Variants in CCM2 observed in about 807,000 individuals in gnomAD.
CCM2 encodes CCM2 scaffold protein.
In CCM2, 25 loss-of-function variants were observed where a neutral mutation model predicts 44.9. The observed-to-expected ratio is 0.56, with a 90% CI of 0.41 to 0.78. The LOEUF is 0.78. Among genes scored for constraint, CCM2 ranks in the 30% least tolerant of loss-of-function variants. CCM2 has a pLI of 0.00. For synonymous variants in CCM2, 219 were observed against 241.1 expected (o/e 0.91, Z 0.85); for missense variants, 481 against 580.6 (o/e 0.83, Z 1.76).
At chr7:45,064,149 AGTATGG>A in intron 3 of CCM2, 148 bp downstream of exon 3, 1 of 653,494 alleles carries the variant, frequency 1.5e-6, no homozygotes, top group South Asian at 1.8e-5. Flanking sequence ...ACTATTCCTT[AGTATGG>A]ACATTAAGTT....
rs188383861 is a variant in CCM2 at position 45,005,154 on chromosome 7, A to G, written c.30+4791A>G. ...AGTGATTCTTGGATGGCAACTTGGTAACTCAGGGTCAGGAGGCTGGAGAAC... is the reference window on the plus strand; with the variant it reads ...AGTGATTCTTGGATGGCAACTTGGTGACTCAGGGTCAGGAGGCTGGAGAAC... On this transcript the variant is annotated intron_variant, in intron 1 of 9. Coordinates refer to ENST00000258781, the MANE Select transcript of CCM2 (RefSeq NM_031443.4). 9.5e-4 allele frequency among the ~76,000 whole-genome samples: 145 copies of G among 152,284 alleles called. 2 individuals carry two copies. The highest frequency in any genetic ancestry group is 3.4e-3 in the African/African-American group (141 of 41,558).
intron 2 of CCM2, among the ~76,000 whole-genome samples, chr7:45,059,956 A>C (rs543856590): frequency 6.6e-6 from 1 of 152,180 alleles, no homozygotes; most frequent in African/African-American, 2.4e-5. Flanking sequence ...CAGTCACCCA[A>C]TACACAAATT....
intron 2 of CCM2, among the ~76,000 whole-genome samples, chr7:45,060,319 T>G (rs1398540299): frequency 6.6e-5 from 10 of 152,364 alleles, no homozygotes. Flanking sequence ...GTAGGATGTT[T>G]TTTTCCTGTG....
intron 1 of CCM2, among the ~76,000 whole-genome samples, chr7:45,028,437 C>T (rs146993744): frequency 1.1e-3 from 173 of 152,196 alleles, no homozygotes; most frequent in African/African-American, 4.1e-3. Flanking sequence ...GTGGGTGGAT[C>T]AGGAGGTCAG....
chr7:45,045,107 C>T (rs997427315), intron 2 of CCM2, among the ~76,000 whole-genome samples: 2 of 152,162 alleles, frequency 1.3e-5, no homozygotes, highest in African/African-American at 2.4e-5. Flanking sequence ...TTCTATCTGA[C>T]ATTAACTTAT....
chr7:45,046,373 A>G (rs1233824608), intron 2 of CCM2, among the ~76,000 whole-genome samples: 1 of 152,240 alleles, frequency 6.6e-6, no homozygotes, highest in African/African-American at 2.4e-5. Context: ...TATCACAATC[A>G]AGACTGTGGT....
intron 9 of CCM2, among the ~76,000 whole-genome samples, chr7:45,075,131 A>G (rs1190467374): frequency 6.6e-6 from 1 of 152,248 alleles, no homozygotes; most frequent in Non-Finnish European, 1.5e-5. Flanking sequence ...GAAGGGCTGG[A>G]GGCTGGGGCA....
At chr7:45,047,660 GAC>G (rs1797822195) in intron 2 of CCM2, among the ~76,000 whole-genome samples, 1 of 152,232 alleles carries the variant, frequency 6.6e-6, no homozygotes, top group South Asian at 2.1e-4. Flanking sequence ...TCTTTGAAAT[GAC>G]ACAGTTGCTG....
intron 2 of CCM2, among the ~76,000 whole-genome samples, chr7:45,044,610 TTGAC>T (rs1797667214): frequency 6.6e-6 from 1 of 152,228 alleles, no homozygotes. Flanking sequence ...TTAGCCCAAT[TTGAC>T]TGGGCTGTCT....
At chr7:45,073,218 G>A in intron 7 of CCM2, 2 of 595,240 alleles carry the variant, frequency 3.4e-6, no homozygotes, top group South Asian at 3.8e-5. Flanking sequence ...GCCTTGACCT[G>A]TGTACTCCCT....
chr7:45,000,854 A>G (rs1206519964), intron 1 of CCM2, among the ~76,000 whole-genome samples: 2 of 152,206 alleles, frequency 1.3e-5, no homozygotes, highest in Non-Finnish European at 1.5e-5. Context: ...CGCTAGCTAC[A>G]TTTGGCAGTG....
intron 1 of CCM2, among the ~76,000 whole-genome samples, chr7:45,015,906 C>T (rs371604151): frequency 1.4e-4 from 21 of 152,126 alleles, no homozygotes; most frequent in African/African-American, 4.3e-4. Context: ...CCTCCCCATC[C>T]GAAAGCCATG....
At chr7:45,047,113 G>T (rs955351614) in intron 2 of CCM2, among the ~76,000 whole-genome samples, 2 of 152,158 alleles carry the variant, frequency 1.3e-5, no homozygotes, top group African/African-American at 4.8e-5. Context: ...ATTCATTGCT[G>T]GTAGGGATGT....
At position 45,075,931 on chromosome 7, in the gene CCM2, C is replaced by T. The variant is rs753234415; in HGVS notation, c.1209C>T (p.Asn403=). The change falls in exon 10 of 10, where the codon AAC becomes AAT. Residue 403 remains asparagine (N), a synonymous_variant. Coordinates refer to ENST00000258781, the MANE Select transcript of CCM2 (RefSeq NM_031443.4). ...STTSSSTTNG[N]RATGSSDDRS... is the part of the protein sequence containing the mutation. ...CATCCAGTTCCACCACCAATGGGAA[C>T]AGGGCCACGGGCAGCTCTGATGACC... The T allele has an allele frequency of 2.0e-5, 32 of 1,613,222 alleles. 1 individual carries two copies. In the South Asian group the frequency reaches 3.3e-4, roughly 17 times the overall value.
At chr7:45,013,637 G>A (rs540657231) in intron 1 of CCM2, among the ~76,000 whole-genome samples, 2 of 152,266 alleles carry the variant, frequency 1.3e-5, no homozygotes, top group East Asian at 3.9e-4. Flanking sequence ...CAGACTTGCT[G>A]ATTGTTATGA....
At chr7:45,003,692 T>C (rs11771888) in intron 1 of CCM2, among the ~76,000 whole-genome samples, 130,649 of 150,646 alleles carry the variant, frequency 0.87, 56,960 homozygotes, top group African/African-American at 0.96. Flanking sequence ...CATGCCACTG[T>C]ACTCCAGCCT....
chr7:45,035,413 C>T (rs764369313), intron 1 of CCM2, among the ~76,000 whole-genome samples: 20 of 152,188 alleles, frequency 1.3e-4, no homozygotes, highest in Non-Finnish European at 2.4e-4. Flanking sequence ...CTCTCCCCTA[C>T]CACCGGATGT....
At chr7:45,047,144 G>C (rs548505357) in intron 2 of CCM2, among the ~76,000 whole-genome samples, 1 of 152,326 alleles carries the variant, frequency 6.6e-6, no homozygotes, top group East Asian at 1.9e-4. Context: ...CGCCACTCTA[G>C]AAAGCAGTCT....
chr7:45,021,995 A>G (rs1360689638), intron 1 of CCM2, among the ~76,000 whole-genome samples: 2 of 152,232 alleles, frequency 1.3e-5, no homozygotes, highest in Non-Finnish European at 2.9e-5. Context: ...TTCATTTTGA[A>G]TTAGAGCTGT....
Sources: gnomAD v4.1 joint callset for allele counts (sites outside exome capture counted in the v4.1 genomes callset) on GRCh38, gnomAD v4.1.1 for gene constraint, MANE v1.5 for transcripts, NCBI Gene and HGNC (gene_info 2026-07-23, HGNC 2026-07-21) for gene names.